CBFA2T2: variants seen among roughly 807,000 people sequenced by gnomAD.
The protein encoded by CBFA2T2 is protein CBFA2T2.
Under a neutral mutation model 62.2 loss-of-function variants are expected in CBFA2T2, and 11 were observed. That is an observed-to-expected ratio of 0.18 (90% confidence interval 0.11 to 0.29). CBFA2T2 has a LOEUF of 0.29. Ranked by LOEUF, CBFA2T2 falls within the 10% of genes least tolerant of loss-of-function variation. The pLI is 1.00. For synonymous variants in CBFA2T2, 295 were observed against 287.5 expected (o/e 1.03, Z -0.27); for missense variants, 592 against 774.1 (o/e 0.76, Z 2.79).
At chr20:33,573,015 TGATA>T (rs1396346027) in intron 1 of CBFA2T2, among the ~76,000 whole-genome samples, 1 of 152,166 alleles carries the variant, frequency 6.6e-6, no homozygotes, top group African/African-American at 2.4e-5. Flanking sequence ...CTGAACTTGT[TGATA>T]GATTGAATGT....
At chr20:33,553,981 C>T (rs1312794216) in intron 1 of CBFA2T2, among the ~76,000 whole-genome samples, 1 of 151,920 alleles carries the variant, frequency 6.6e-6, no homozygotes, top group Non-Finnish European at 1.5e-5. Context: ...TTAAGTAAAA[C>T]ATGATTCTTG....
At position 33,644,505 on chromosome 20, in the gene CBFA2T2, G is replaced by T; in HGVS notation, c.1647G>T (p.Pro549=). The T allele has an allele frequency of 6.2e-7, 1 of 1,614,000 alleles. No homozygotes were observed. The highest frequency in any genetic ancestry group is 8.5e-7 in the Non-Finnish European group (1 of 1,180,018). The change falls in exon 11 of 11, where the codon CCG becomes CCT. Residue 549 remains proline (P), a synonymous_variant. Transcript: ENST00000342704. ...AGAGCCCCCACGGCCAGGGCCGGCC[G>T]CTGCTTCCTGTAGGCAGGGGCTCCT... The part of the protein sequence containing the change: ...HGQSPHGQGR[P]LLPVGRGSSA...
At chr20:33,521,228 C>T (rs1357591489) in intron 1 of CBFA2T2, among the ~76,000 whole-genome samples, 4 of 152,104 alleles carry the variant, frequency 2.6e-5, no homozygotes, top group African/African-American at 9.7e-5. Flanking sequence ...ATTGACACTA[C>T]CATGCTTATG....
At chr20:33,545,667 G>C (rs1417768257) in intron 1 of CBFA2T2, among the ~76,000 whole-genome samples, 3 of 152,124 alleles carry the variant, frequency 2.0e-5, no homozygotes, top group African/African-American at 4.8e-5. Flanking sequence ...GGCTGGTCTT[G>C]AACTCCTGAC....
intron 1 of CBFA2T2, chr20:33,562,352 G>A: frequency 1.0e-6 from 1 of 984,658 alleles, no homozygotes; most frequent in Non-Finnish European, 1.2e-6. Flanking sequence ...AGTGGAGAGA[G>A]AGGAAGCAGG....
At chr20:33,588,329 AAATAG>A (rs1200181982) in intron 1 of CBFA2T2, among the ~76,000 whole-genome samples, 4 of 151,516 alleles carry the variant, frequency 2.6e-5, no homozygotes, top group Admixed American at 1.3e-4. Flanking sequence ...TATTTTTTAT[AAATAG>A]AATAGAAACA....
At chr20:33,596,850 C>T (rs150218933) in intron 1 of CBFA2T2, among the ~76,000 whole-genome samples, 178 of 151,668 alleles carry the variant, frequency 1.2e-3, no homozygotes, top group African/African-American at 4.1e-3. Flanking sequence ...GTTCCTCCTT[C>T]TTAGTAAATG....
intron 1 of CBFA2T2, among the ~76,000 whole-genome samples, chr20:33,530,269 A>G (rs1208543915): frequency 6.6e-6 from 1 of 151,968 alleles, no homozygotes; most frequent in African/African-American, 2.4e-5. Flanking sequence ...GAATCTCCTT[A>G]AGGCTGGCTT....
chr20:33,625,498 G>T (rs1185406616), intron 6 of CBFA2T2, among the ~76,000 whole-genome samples: 1 of 152,092 alleles, frequency 6.6e-6, no homozygotes, highest in East Asian at 1.9e-4. Context: ...AAGAATAAAG[G>T]GGTATCGCCT....
Position 33,648,135 on chromosome 20 carries a change from C to G in CBFA2T2, c.*3489C>G, listed in dbSNP as rs1198974208. ...AAATTCAGCCTGCTTAGAGGACTGA[C>G]CTCTACAGTTCATATTTGCAGTGAC... On this transcript the variant is annotated 3_prime_UTR_variant, in exon 11 of 11. Transcript: ENST00000342704. 4 of 152,212 alleles carry G rather than the reference C, an allele frequency of 2.6e-5. No individual in the cohort carries two copies. The highest frequency in any genetic ancestry group is 9.7e-5 in the African/African-American group (4 of 41,448). The allele number at this position is 152,212 out of a possible 1,614,324, so 9.4% of individuals were successfully genotyped here. A position where few individuals can be genotyped will look rare whatever the true frequency, so the allele number is the denominator to read the frequency against.
At position 33,526,427 on chromosome 20, in the gene CBFA2T2, C is replaced by A. The variant is rs535578833; in HGVS notation, c.34+36126C>A. Among the ~76,000 whole-genome samples the A allele has an allele frequency of 6.6e-5, 10 of 152,244 alleles. No individual in the cohort carries two copies. The South Asian group carries it at 2.1e-3, about 32-fold the overall frequency. ...AAAGGTTCAGGATTTGCTAGTTCAA[C>A]GTTTGTAGCAATAAAAATAATCTAT... On this transcript the variant is annotated intron_variant, in intron 1 of 10. Transcript: ENST00000342704.
chr20:33,603,451 G>T (rs914800727), intron 1 of CBFA2T2, among the ~76,000 whole-genome samples: 3 of 152,048 alleles, frequency 2.0e-5, no homozygotes, highest in African/African-American at 7.2e-5. Flanking sequence ...TGTCATATCT[G>T]GGTTTTATTT....
intron 1 of CBFA2T2, among the ~76,000 whole-genome samples, chr20:33,522,609 A>G (rs2011761296): frequency 6.6e-6 from 1 of 151,928 alleles, no homozygotes; most frequent in African/African-American, 2.4e-5. Flanking sequence ...GGGCTTCGTG[A>G]TATGTGCCTG....
chr20:33,491,566 A>G (rs1446137686), intron 1 of CBFA2T2, among the ~76,000 whole-genome samples: 1 of 152,098 alleles, frequency 6.6e-6, no homozygotes, highest in East Asian at 1.9e-4. Context: ...TGGATTGAAG[A>G]TAGAAAAAGT....
intron 1 of CBFA2T2, among the ~76,000 whole-genome samples, chr20:33,555,014 C>G (rs1354914350): frequency 2.6e-5 from 4 of 152,242 alleles, no homozygotes; most frequent in African/African-American, 9.6e-5. Flanking sequence ...AGGCAGCATT[C>G]AAAACTGGAA....
At chr20:33,540,269 C>A (rs2012377594) in intron 1 of CBFA2T2, among the ~76,000 whole-genome samples, 1 of 152,108 alleles carries the variant, frequency 6.6e-6, no homozygotes, top group Admixed American at 6.5e-5. Context: ...CTTTTAACAA[C>A]AGAAATATGT....
At position 33,536,946 on chromosome 20, in the gene CBFA2T2, C is replaced by T. The variant is rs555733876; in HGVS notation, c.34+46645C>T. 6.3e-3 allele frequency among the ~76,000 whole-genome samples: 944 copies of T among 150,964 alleles called. 4 individuals carry two copies. Among genetic ancestry groups the T allele is most frequent in the Non-Finnish European group, 9.9e-3 (668 of 67,706 alleles). On this transcript the variant is annotated intron_variant, in intron 1 of 10. Transcript: ENST00000342704. Reference sequence around the variant, plus strand: ...AGATGGGATGGCGGCCGGGCAGAGACGCTCCTCACTTCCTAGACGGGATGG... The same window carrying T: ...AGATGGGATGGCGGCCGGGCAGAGATGCTCCTCACTTCCTAGACGGGATGG...
At chr20:33,536,220 G>A (rs2146873807) in intron 1 of CBFA2T2, among the ~76,000 whole-genome samples, 1 of 151,708 alleles carries the variant, frequency 6.6e-6, no homozygotes, top group Middle Eastern at 3.4e-3. Context: ...CGGGCAGAGG[G>A]GCTCCTCACA....
At chr20:33,609,197 A>G (rs982573415) in intron 2 of CBFA2T2, among the ~76,000 whole-genome samples, 2 of 152,182 alleles carry the variant, frequency 1.3e-5, no homozygotes, top group African/African-American at 4.8e-5. Flanking sequence ...AGGCAACACA[A>G]ATATAGAAAT....
Sources: allele counts gnomAD v4.1 joint callset (sites outside exome capture counted in the v4.1 genomes callset), GRCh38; gene constraint gnomAD v4.1.1; transcripts MANE v1.5; gene names NCBI Gene and HGNC (gene_info 2026-07-23, HGNC 2026-07-21).